TRIP12: variants seen among roughly 807,000 people sequenced by gnomAD.
The protein encoded by TRIP12 is E3 ubiquitin-protein ligase TRIP12.
Under a neutral mutation model 244.2 loss-of-function variants are expected in TRIP12, and 25 were observed. The ratio of observed to expected loss-of-function variants is 0.10; its 90% CI spans 0.07 to 0.14. The LOEUF is 0.14. TRIP12 is among the 10% of genes least tolerant of loss of function. The pLI is 1.00. For synonymous variants in TRIP12, 905 were observed against 873.1 expected (o/e 1.04, Z -0.64); for missense variants, 1,677 against 2,486.4 (o/e 0.67, Z 6.92).
chr2:229,875,964 C>A (rs1333987620), intron 2 of TRIP12, among the ~76,000 whole-genome samples: 1 of 152,158 alleles, frequency 6.6e-6, no homozygotes, highest in Non-Finnish European at 1.5e-5. Context: ...GAACAGTACA[C>A]TCTATAGGGG....
intron 4 of TRIP12, among the ~76,000 whole-genome samples, chr2:229,841,537 T>C (rs1374464331): frequency 1.3e-5 from 2 of 152,146 alleles, no homozygotes; most frequent in Non-Finnish European, 2.9e-5. Context: ...GGCTCGAAAA[T>C]GGTGTATCAA....
intron 6 of TRIP12, among the ~76,000 whole-genome samples, chr2:229,831,540 A>T (rs978589862): frequency 6.6e-6 from 1 of 152,164 alleles, no homozygotes. Context: ...CTGAGTCGAG[A>T]GCACTGCTTG....
intron 6 of TRIP12, chr2:229,831,159 A>G (rs908227759): frequency 1.4e-6 from 1 of 714,400 alleles, no homozygotes. Context: ...GAAAGTCAAT[A>G]AAGAACATAC....
At chr2:229,814,373 C>A in intron 11 of TRIP12, 48 bp from the exon 12 acceptor site, 1 of 1,547,572 alleles carries the variant, frequency 6.5e-7, no homozygotes, top group Non-Finnish European at 8.9e-7. Flanking sequence ...TAAGTTCTTT[C>A]CCAATAACTT....
chr2:229,802,450 T>C lies in TRIP12; in HGVS notation c.3008A>G (p.His1003Arg). The C allele has an allele frequency of 6.2e-7, 1 of 1,613,028 alleles. No homozygotes were observed. Among genetic ancestry groups the C allele is most frequent in the Non-Finnish European group, 8.5e-7 (1 of 1,179,390 alleles). The change falls in exon 21 of 42, where the codon CAT becomes CGT. Residue 1003 changes from histidine to arginine, a missense_variant. Around this residue, in one of 11 missense-constraint regions of TRIP12, gnomAD observed 572 missense variants for 867.8 expected, o/e 0.66. Transcript: ENST00000675903. ...TGATTCTGCTAAGTGTTTTACTTGA[T>C]GCATTACACCTTTATAATAACAGAG... ...SVYFRREGVM[H>R]QVKHLAESES...
intron 26 of TRIP12, 51 bp downstream of exon 26, chr2:229,795,128 A>AT: frequency 2.5e-6 from 4 of 1,575,002 alleles, no homozygotes. Context: ...CTTCAGTGAA[A>AT]TTAAGTACCA....
rs932495169 is a variant in TRIP12, at chr2:229,802,353, G to A, written c.3105C>T (p.Val1035=). The part of the protein sequence containing the change: ...GSGSMGSTTS[V]SSGTATAATH... ...TGGCAGCTGTGGCTGTCCCACTGCT[G>A]ACTGAAGTTGTGGATCCCATGGATC... The change falls in exon 21 of 42, where the codon GTC becomes GTT. Residue 1035 remains valine (V), a synonymous_variant. Transcript: ENST00000675903. 1.9e-6 allele frequency: 3 copies of A among 1,613,824 alleles called. No homozygotes were observed. Among genetic ancestry groups the A allele is most frequent in the Non-Finnish European group, 2.5e-6 (3 of 1,179,920 alleles).
At chr2:229,876,243 T>C (rs2063553068) in intron 2 of TRIP12, among the ~76,000 whole-genome samples, 1 of 152,040 alleles carries the variant, frequency 6.6e-6, no homozygotes, top group Non-Finnish European at 1.5e-5. Context: ...GCCACTGCAC[T>C]CCAGCCTGTG....
At chr2:229,823,179 G>C (rs1177083815) in intron 8 of TRIP12, among the ~76,000 whole-genome samples, 2 of 152,166 alleles carry the variant, frequency 1.3e-5, no homozygotes, top group African/African-American at 4.8e-5. Flanking sequence ...AAGAAATAAT[G>C]ACCAAGAATT....
At chr2:229,870,659 A>G (rs546310027) in intron 2 of TRIP12, among the ~76,000 whole-genome samples, 1 of 152,358 alleles carries the variant, frequency 6.6e-6, no homozygotes, top group Non-Finnish European at 1.5e-5. Context: ...ATTACTAAAG[A>G]AGGAAATTGC....
intron 37 of TRIP12, among the ~76,000 whole-genome samples, 157 bp downstream of exon 37, chr2:229,777,147 ATGTGACCCACT>A (rs1291194533): frequency 2.6e-5 from 4 of 152,242 alleles, no homozygotes; most frequent in Non-Finnish European, 4.4e-5. Context: ...AGTATAGGTC[ATGTGACCCACT>A]GTGAAATCAT....
chr2:229,913,387 G>A (rs1007562434), intron 1 of TRIP12, among the ~76,000 whole-genome samples: 1 of 152,156 alleles, frequency 6.6e-6, no homozygotes, highest in South Asian at 2.1e-4. Context: ...AACAGAACTT[G>A]GAAGACAAGG....
At chr2:229,821,263 C>G (rs1288705213) in intron 8 of TRIP12, among the ~76,000 whole-genome samples, 2 of 152,172 alleles carry the variant, frequency 1.3e-5, no homozygotes, top group Admixed American at 6.5e-5. Flanking sequence ...TTTGCACCAT[C>G]AGTTCAAACA....
intron 4 of TRIP12, among the ~76,000 whole-genome samples, chr2:229,857,815 T>C (rs1340126233): frequency 6.6e-6 from 1 of 152,236 alleles, no homozygotes; most frequent in East Asian, 1.9e-4. Context: ...ACTTTCTGTT[T>C]CTTTGCTTGA....
At chr2:229,917,292 A>T (rs1187401845) in intron 1 of TRIP12, among the ~76,000 whole-genome samples, 1 of 148,302 alleles carries the variant, frequency 6.7e-6, no homozygotes, top group Non-Finnish European at 1.5e-5. Flanking sequence ...GAGGCAAGAG[A>T]ATGGCATGAA....
intron 31 of TRIP12, among the ~76,000 whole-genome samples, chr2:229,789,187 C>T (rs1363184958): frequency 6.6e-6 from 1 of 152,192 alleles, no homozygotes; most frequent in Non-Finnish European, 1.5e-5. Context: ...GCTGCTGGCT[C>T]AGTCATTCAG....
chr2:229,802,487 T>A, intron 20 of TRIP12, 28 bp from the exon 21 acceptor site: 1 of 1,558,400 alleles, frequency 6.4e-7, no homozygotes, highest in Non-Finnish European at 8.8e-7. Flanking sequence ...TGAAAGGGAG[T>A]CAGTTTTAAT....
At chr2:229,849,106 T>TC (rs1255093900) in intron 4 of TRIP12, among the ~76,000 whole-genome samples, 5 of 152,152 alleles carry the variant, frequency 3.3e-5, no homozygotes, top group Non-Finnish European at 5.9e-5. Flanking sequence ...CCTCATTTCT[T>TC]CAAGATGAAA....
chr2:229,799,883 T>C (rs540540799), intron 21 of TRIP12, among the ~76,000 whole-genome samples: 1 of 152,326 alleles, frequency 6.6e-6, no homozygotes, highest in Non-Finnish European at 1.5e-5. Flanking sequence ...CAAATGATTA[T>C]TCAGAAAATA....
Sources: gnomAD v4.1 joint callset for allele counts (sites outside exome capture counted in the v4.1 genomes callset) on GRCh38, gnomAD v4.1.1 for gene constraint, gnomAD v4.1.1 regional missense constraint, MANE v1.5 for transcripts, NCBI Gene and HGNC (gene_info 2026-07-23, HGNC 2026-07-21) for gene names.